The following DRICH1 variants were observed in gnomAD, a reference collection of about 807,000 sequenced individuals.
DRICH1 encodes aspartate rich 1.
DRICH1 carries 38 observed loss-of-function variants against 39.5 expected under a neutral mutation model. The ratio of observed to expected loss-of-function variants is 0.96; its 90% CI spans 0.74 to 1.26. The LOEUF is 1.26. DRICH1 is among the 50% of genes most tolerant of loss of function. The probability of loss-of-function intolerance (pLI) is 0.00; values close to 1 mark genes in which losing one functional copy is unlikely to be tolerated. For missense variants in DRICH1, 279 were observed against 270.4 expected, an observed-to-expected ratio of 1.03 and a Z score of -0.22; for synonymous variants, 84 against 99.5, an observed-to-expected ratio of 0.84 and a Z score of 0.93.
intron 11 of DRICH1, among the ~76,000 whole-genome samples, chr22:23,612,253 C>G (rs1378947094): frequency 6.6e-6 from 1 of 151,928 alleles, no homozygotes; most frequent in Non-Finnish European, 1.5e-5. Context: ...ATCGCCTGAG[C>G]TGAGGAGTTC....
downstream of DRICH1, among the ~76,000 whole-genome samples, chr22:23,607,768 A>G (rs1467238666): frequency 2.6e-5 from 4 of 152,152 alleles, no homozygotes; most frequent in Non-Finnish European, 1.5e-5. Context: ...CTCTCTGAAA[A>G]TGCAGCCTCC....
the DRICH1 span, among the ~76,000 whole-genome samples, chr22:23,582,312 G>A: frequency 1.3e-5 from 2 of 150,056 alleles, no homozygotes; most frequent in African/African-American, 4.9e-5. Context: ...GTCTCACTCT[G>A]TTGCCCAGGC....
the DRICH1 span, among the ~76,000 whole-genome samples, chr22:23,600,121 G>C: frequency 6.6e-6 from 1 of 152,184 alleles, no homozygotes; most frequent in Non-Finnish European, 1.5e-5. Context: ...GTCCATGAAG[G>C]AGGGACCCTG....
intron 6 of DRICH1, among the ~76,000 whole-genome samples, chr22:23,619,128 C>T (rs1927555783): frequency 7.5e-6 from 1 of 133,568 alleles, no homozygotes; most frequent in African/African-American, 2.8e-5. Context: ...GGAGAGATCA[C>T]ATCACTGCAC....
the DRICH1 span, among the ~76,000 whole-genome samples, chr22:23,593,237 A>G: frequency 6.6e-6 from 1 of 152,218 alleles, no homozygotes; most frequent in Non-Finnish European, 1.5e-5. Flanking sequence ...AAAATTCTAG[A>G]GCTGAAAAAT....
At chr22:23,631,447 A>T (rs1186540603) in intron 1 of DRICH1, among the ~76,000 whole-genome samples, 10 of 150,938 alleles carry the variant, frequency 6.6e-5, no homozygotes, top group Admixed American at 5.9e-4. Flanking sequence ...AATAAATAAT[A>T]AATAAAATTT....
chr22:23,614,904 T>C (rs991519711), intron 8 of DRICH1, among the ~76,000 whole-genome samples: 5 of 152,198 alleles, frequency 3.3e-5, no homozygotes, highest in South Asian at 2.1e-4. Context: ...GCTCTAACTA[T>C]ACCAGTGAAG....
At chr22:23,607,814 CA>C (rs1926822186), downstream of DRICH1, among the ~76,000 whole-genome samples, 1 of 152,208 alleles carries the variant, frequency 6.6e-6, no homozygotes, top group South Asian at 2.1e-4. Context: ...CCACTGTGAC[CA>C]CCATCCTTGC....
the DRICH1 span, among the ~76,000 whole-genome samples, chr22:23,597,811 C>T: frequency 6.6e-6 from 1 of 152,014 alleles, no homozygotes; most frequent in Non-Finnish European, 1.5e-5. Flanking sequence ...GGGCTGGGAG[C>T]AGGTGGGATG....
chr22:23,600,453 C>T, the DRICH1 span, among the ~76,000 whole-genome samples: 1 of 152,186 alleles, frequency 6.6e-6, no homozygotes, highest in African/African-American at 2.4e-5. Flanking sequence ...CCTGCATGAA[C>T]AGAAGCTTCT....
At chr22:23,581,763 C>G in the DRICH1 span, among the ~76,000 whole-genome samples, 9 of 149,876 alleles carry the variant, frequency 6.0e-5, no homozygotes, top group African/African-American at 7.4e-5. Context: ...TGCACCACCA[C>G]GACAAGCTAA....
the DRICH1 span, among the ~76,000 whole-genome samples, chr22:23,589,359 A>G: frequency 2.3e-4 from 35 of 152,004 alleles, no homozygotes; most frequent in Non-Finnish European, 7.4e-5. Flanking sequence ...GCTGAGGTGG[A>G]AGAATCACCT....
intron 1 of DRICH1, among the ~76,000 whole-genome samples, chr22:23,627,578 A>C (rs1174210741): frequency 6.6e-6 from 1 of 152,090 alleles, no homozygotes; most frequent in African/African-American, 2.4e-5. Flanking sequence ...AGGGCCAGTC[A>C]CTGTGTGGGG....
the DRICH1 span, among the ~76,000 whole-genome samples, chr22:23,599,042 G>A: frequency 6.6e-6 from 1 of 152,322 alleles, no homozygotes; most frequent in Admixed American, 6.5e-5. Context: ...GGGCCCCACA[G>A]AATCCATGAG....
intron 9 of DRICH1, 63 bp from the exon 10 acceptor site, chr22:23,613,723 T>A: frequency 8.1e-7 from 1 of 1,240,272 alleles, no homozygotes; most frequent in Non-Finnish European, 1.2e-6. Flanking sequence ...CACACAGATC[T>A]GTTATTCTCT....
intron 6 of DRICH1, among the ~76,000 whole-genome samples, chr22:23,618,086 A>G (rs1461525749): frequency 6.6e-6 from 1 of 150,726 alleles, no homozygotes; most frequent in Non-Finnish European, 1.5e-5. Flanking sequence ...TTTTACCCAA[A>G]TTACTCTATT....
At chr22:23,600,658 G>A in the DRICH1 span, among the ~76,000 whole-genome samples, 3 of 125,274 alleles carry the variant, frequency 2.4e-5, no homozygotes, top group Admixed American at 8.6e-5. Context: ...CTCTAAAAAC[G>A]ATTCGGCAAT....
downstream of DRICH1, chr22:23,608,439 C>T (rs547782443): frequency 1.7e-4 from 73 of 422,840 alleles, no homozygotes; most frequent in Middle Eastern, 2.6e-3. Context: ...GATCAGCCAC[C>T]TCTGCACCTG....
chr22:23,605,990 C>T (rs184470959), downstream of DRICH1, among the ~76,000 whole-genome samples: 40 of 151,260 alleles, frequency 2.6e-4, no homozygotes, highest in Middle Eastern at 3.4e-3. Flanking sequence ...AGGAGAATCG[C>T]TTGAACCTGG....
Sources: gnomAD v4.1 joint callset for allele counts (sites outside exome capture counted in the v4.1 genomes callset) on GRCh38, gnomAD v4.1.1 for gene constraint, MANE v1.5 for transcripts, NCBI Gene and HGNC (gene_info 2026-07-23, HGNC 2026-07-21) for gene names.